The following TMC1 variants were observed in gnomAD, a reference collection of about 807,000 sequenced individuals.
The protein encoded by TMC1 is transmembrane channel like 1.
TMC1 carries 84 observed loss-of-function variants against 105.8 expected under a neutral mutation model. The observed-to-expected ratio is 0.79, with a 90% CI of 0.67 to 0.95. The LOEUF (loss-of-function observed/expected upper bound fraction) is 0.95, where lower values mean the gene tolerates loss of function less well. Among genes scored for constraint, TMC1 ranks in the 40% least tolerant of loss-of-function variants. TMC1 has a pLI of 0.00. For synonymous variants in TMC1, 315 were observed against 311.5 expected, an observed-to-expected ratio of 1.01 and a Z score of -0.12; for missense variants, 817 against 914.1, an observed-to-expected ratio of 0.89 and a Z score of 1.37.
intron 1 of TMC1, among the ~76,000 whole-genome samples, chr9:72,541,125 T>C (rs1823668529): frequency 6.6e-6 from 1 of 152,192 alleles, no homozygotes; most frequent in African/African-American, 2.4e-5. Flanking sequence ...AGCCCCATAA[T>C]CTTTGATTTC....
chr9:72,661,065 T>A (rs1825963275), intron 5 of TMC1, among the ~76,000 whole-genome samples: 1 of 152,046 alleles, frequency 6.6e-6, no homozygotes, highest in Non-Finnish European at 1.5e-5. Context: ...GGCAGGAGAA[T>A]CGCTTGAACC....
In TMC1 at chr9:72,740,207, A is replaced by G; in HGVS notation, c.451A>G (p.Lys151Glu). The G allele has an allele frequency of 1.9e-6, 3 of 1,613,256 alleles. No individual in the cohort carries two copies. Among genetic ancestry groups the G allele is most frequent in the Non-Finnish European group, 2.5e-6 (3 of 1,179,328 alleles). ...GTTTGCATTTAAGATGATGATGGCCAAGGTAGGTATTTTTATAGTTGTCTG... is the reference window on the plus strand; with the variant it reads ...GTTTGCATTTAAGATGATGATGGCCGAGGTAGGTATTTTTATAGTTGTCTG... Reference protein sequence around the residue: ...RWFAFKMMMAKKWAKFLRDFE... With the variant: ...RWFAFKMMMAEKWAKFLRDFE... Residue 151 changes from lysine to glutamate, a missense_variant and splice_region_variant, in exon 9 of 24, where the codon AAG becomes GAG. Physicochemically the swap from Lys to Glu is moderately conservative, Grantham distance 56. Transcript: ENST00000297784.
intron 5 of TMC1, among the ~76,000 whole-genome samples, chr9:72,654,146 A>G (rs1564470483): frequency 6.6e-6 from 1 of 152,342 alleles, no homozygotes; most frequent in Non-Finnish European, 1.5e-5. Context: ...TGGGTTGTAC[A>G]GTAAGTGTTT....
chr9:72,572,328 C>G (rs1314412176), intron 1 of TMC1, among the ~76,000 whole-genome samples: 1 of 151,950 alleles, frequency 6.6e-6, no homozygotes, highest in Non-Finnish European at 1.5e-5. Context: ...TCCTGAGTAG[C>G]TAGGACTATA....
intron 3 of TMC1, among the ~76,000 whole-genome samples, chr9:72,617,362 C>T (rs35101403): frequency 0.042 from 6,399 of 152,078 alleles, 196 homozygotes; most frequent in Non-Finnish European, 0.062. Context: ...CGGGGTTTCA[C>T]CATGTTGGCC....
chr9:72,782,798 A>T (rs1828113593), intron 13 of TMC1, among the ~76,000 whole-genome samples: 1 of 152,194 alleles, frequency 6.6e-6, no homozygotes, highest in African/African-American at 2.4e-5. Flanking sequence ...AAATGACACA[A>T]ACAAATGGAA....
At position 72,743,405 on chromosome 9, in the gene TMC1, A is replaced by G. The variant is rs540777070; in HGVS notation, c.535+880A>G. Among the ~76,000 whole-genome samples the G allele has an allele frequency of 2.8e-4, 42 of 150,944 alleles. 1 individual carries two copies. In the South Asian group the frequency reaches 8.1e-3, roughly 29 times the overall value. ...AATAAAAAAAATAAAAAATAAAAAT[A>G]AAAGTACAAAAAATTAGCCAGGCCT... On this transcript the variant is annotated intron_variant, in intron 10 of 23. Transcript: ENST00000297784.
chr9:72,562,455 A>G (rs915457344), intron 1 of TMC1, among the ~76,000 whole-genome samples: 2 of 152,214 alleles, frequency 1.3e-5, no homozygotes, highest in Non-Finnish European at 2.9e-5. Flanking sequence ...TTTGAGAACT[A>G]ATCTGTTTTT....
intron 5 of TMC1, among the ~76,000 whole-genome samples, chr9:72,674,267 C>G (rs2132171230): frequency 6.6e-6 from 1 of 152,254 alleles, no homozygotes; most frequent in Admixed American, 6.5e-5. Context: ...TTTAAAAATG[C>G]TTGCAAAATT....
chr9:72,691,109 T>G (rs559566824), intron 6 of TMC1, among the ~76,000 whole-genome samples: 1 of 152,150 alleles, frequency 6.6e-6, no homozygotes, highest in Non-Finnish European at 1.5e-5. Context: ...TAGACCTCTG[T>G]AGTGAATTTC....
intron 10 of TMC1, among the ~76,000 whole-genome samples, chr9:72,748,028 C>A (rs1048914385): frequency 3.9e-5 from 6 of 152,174 alleles, no homozygotes; most frequent in Non-Finnish European, 5.9e-5. Context: ...TGGATATTAT[C>A]TATACCTATT....
At chr9:72,684,739 C>A (rs1826347953) in intron 5 of TMC1, among the ~76,000 whole-genome samples, 1 of 152,128 alleles carries the variant, frequency 6.6e-6, no homozygotes, top group Non-Finnish European at 1.5e-5. Flanking sequence ...TTTAACAGCT[C>A]CTACCTAAGC....
intron 4 of TMC1, among the ~76,000 whole-genome samples, chr9:72,631,829 A>G (rs1178012396): frequency 6.6e-6 from 1 of 152,214 alleles, no homozygotes. Context: ...ACAAGAGCGC[A>G]TGCAAGAAGA....
chr9:72,632,034 A>G (rs539695335), intron 4 of TMC1, among the ~76,000 whole-genome samples: 1 of 152,190 alleles, frequency 6.6e-6, no homozygotes, highest in African/African-American at 2.4e-5. Flanking sequence ...CTGAGACTGG[A>G]TAATTTATAA....
At chr9:72,647,467 A>G (rs1473118956) in intron 4 of TMC1, among the ~76,000 whole-genome samples, 5 of 152,176 alleles carry the variant, frequency 3.3e-5, no homozygotes, top group Admixed American at 6.5e-5. Context: ...TACAGATTCA[A>G]TAATTTGCAA....
intron 15 of TMC1, 22 bp downstream of exon 15, chr9:72,789,339 A>G (rs1828225205): frequency 6.2e-7 from 1 of 1,607,452 alleles, no homozygotes. Flanking sequence ...CATGCTTTTT[A>G]TGTGCTTAGA....
intron 20 of TMC1, among the ~76,000 whole-genome samples, chr9:72,825,487 A>C (rs1472425015): frequency 6.6e-6 from 1 of 152,218 alleles, no homozygotes; most frequent in Admixed American, 6.5e-5. Flanking sequence ...GACCTGAAAA[A>C]GGTACACAGG....
At chr9:72,613,284 C>T (rs892143757) in intron 2 of TMC1, among the ~76,000 whole-genome samples, 1 of 151,726 alleles carries the variant, frequency 6.6e-6, no homozygotes, top group Non-Finnish European at 1.5e-5. Flanking sequence ...GGCCACCATG[C>T]CTGGCTAATT....
intron 5 of TMC1, among the ~76,000 whole-genome samples, chr9:72,678,925 A>G (rs1250035746): frequency 2.0e-5 from 3 of 152,092 alleles, no homozygotes; most frequent in African/African-American, 4.8e-5. Context: ...TGTCTATGCC[A>G]AGCAAGTATG....
Sources: gnomAD v4.1 joint callset for allele counts (sites outside exome capture counted in the v4.1 genomes callset) on GRCh38, gnomAD v4.1.1 for gene constraint, MANE v1.5 for transcripts, NCBI Gene and HGNC (gene_info 2026-07-23, HGNC 2026-07-21) for gene names.